CALN1: variants seen among roughly 807,000 people sequenced by gnomAD.
CALN1 encodes the protein calcium-binding protein 8.
Under a neutral mutation model 30.6 loss-of-function variants are expected in CALN1, and 17 were observed. That is an observed-to-expected ratio of 0.56 (90% CI 0.38 to 0.83). CALN1 has a LOEUF of 0.83. CALN1 is among the 40% of genes least tolerant of loss of function. CALN1 has a pLI of 0.00. For missense variants in CALN1, 291 were observed against 354.9 expected, an observed-to-expected ratio of 0.82 and a Z score of 1.45; for synonymous variants, 156 against 131.4, an observed-to-expected ratio of 1.19 and a Z score of -1.28.
chr7:72,397,334 TAGA>T (rs1447123714), intron 2 of CALN1, among the ~76,000 whole-genome samples: 1 of 152,146 alleles, frequency 6.6e-6, no homozygotes, highest in Non-Finnish European at 1.5e-5. Context: ...GTCCACATTC[TAGA>T]AGATGACAAG....
intron 2 of CALN1, among the ~76,000 whole-genome samples, chr7:72,374,530 C>CCA (rs1330289546): frequency 3.6e-5 from 4 of 112,606 alleles, no homozygotes; most frequent in African/African-American, 1.3e-4. Flanking sequence ...CACTCTGTCT[C>CCA]CAAAAAAAAA....
intron 3 of CALN1, among the ~76,000 whole-genome samples, chr7:72,202,458 T>C (rs532623575): frequency 1.3e-5 from 2 of 152,294 alleles, no homozygotes; most frequent in South Asian, 4.1e-4. Flanking sequence ...AAAGAGATCC[T>C]CACATAGACA....
At chr7:72,340,840 T>C (rs908687811) in intron 2 of CALN1, among the ~76,000 whole-genome samples, 1 of 152,168 alleles carries the variant, frequency 6.6e-6, no homozygotes, top group African/African-American at 2.4e-5. Flanking sequence ...TCACAAGATC[T>C]GATGGTTTTA....
chr7:72,160,476 A>T (rs1185421529), intron 3 of CALN1, among the ~76,000 whole-genome samples: 1 of 151,790 alleles, frequency 6.6e-6, no homozygotes, highest in Non-Finnish European at 1.5e-5. Context: ...ATGGGGTTTC[A>T]CCATGTTGGC....
intron 2 of CALN1, among the ~76,000 whole-genome samples, chr7:72,309,671 G>A (rs777168914): frequency 3.9e-5 from 6 of 152,112 alleles, no homozygotes; most frequent in Non-Finnish European, 7.3e-5. Flanking sequence ...AAGCACAAGT[G>A]CAAGGTCCCC....
At chr7:71,943,949 G>A (rs1316062144) in intron 5 of CALN1, among the ~76,000 whole-genome samples, 1 of 152,158 alleles carries the variant, frequency 6.6e-6, no homozygotes, top group Non-Finnish European at 1.5e-5. Context: ...TCTTTCATGG[G>A]CTTATGGTAA....
In CALN1 at chr7:72,420,549, T is replaced by C. The variant is rs555190070; in HGVS notation, c.-225-8274A>G. Among the ~76,000 whole-genome samples, 6 of 151,398 alleles carry C rather than the reference T, an allele frequency of 4.0e-5. No homozygotes were observed. The South Asian group carries it at 1.1e-3, about 27-fold the overall frequency. On this transcript the variant is annotated intron_variant, in intron 1 of 6. Transcript: ENST00000395276. ...CATGAGAAATCACCTTTTTAAAAAA[T>C]TCCCCCAAAGGCAACAGTGCCTCTG...
In CALN1 at chr7:72,046,709, TAAAAAAAAAA is replaced by T. The variant is rs59664699; in HGVS notation, c.389-22950_389-22941del. ...TGGGCAACAGAGCGAGACTCCCTCT[TAAAAAAAAAA>T]AAAAAAAAAAAAAAAAAAAGGATTG... On this transcript the variant is annotated intron_variant, in intron 4 of 6. Transcript: ENST00000395275. Among the ~76,000 whole-genome samples the T allele has an allele frequency of 2.9e-4, 15 of 51,842 alleles. No individual in the cohort carries two copies. In the South Asian group the frequency reaches 3.6e-3, roughly 12 times the overall value. 34.0% of individuals were successfully genotyped at this position (51,842 alleles called of 152,430 possible). A position where few individuals can be genotyped will look rare whatever the true frequency, so the allele number is the denominator to read the frequency against.
At chr7:72,098,327 C>G (rs939971480) in intron 4 of CALN1, among the ~76,000 whole-genome samples, 1 of 152,208 alleles carries the variant, frequency 6.6e-6, no homozygotes, top group South Asian at 2.1e-4. Flanking sequence ...AGTTAAAGTT[C>G]CAAGAAATAA....
At chr7:72,137,673 G>A (rs1173117822) in intron 3 of CALN1, among the ~76,000 whole-genome samples, 2 of 152,186 alleles carry the variant, frequency 1.3e-5, no homozygotes, top group East Asian at 3.9e-4. Flanking sequence ...TGGATAACTG[G>A]GGAAATTTGA....
chr7:71,872,105 G>C (rs1791970302), intron 5 of CALN1, among the ~76,000 whole-genome samples: 1 of 152,212 alleles, frequency 6.6e-6, no homozygotes, highest in South Asian at 2.1e-4. Context: ...CAGGGCTACT[G>C]TGTTGGACAT....
intron 4 of CALN1, among the ~76,000 whole-genome samples, chr7:72,065,371 C>A (rs1803949769): frequency 6.6e-6 from 1 of 151,888 alleles, no homozygotes; most frequent in African/African-American, 2.4e-5. Flanking sequence ...GCAGTGGCCT[C>A]CCCGCCCCCC....
At chr7:72,475,282 C>T in the CALN1 span, among the ~76,000 whole-genome samples, 2 of 151,954 alleles carry the variant, frequency 1.3e-5, no homozygotes, top group East Asian at 1.9e-4. Flanking sequence ...GGTGAAACCT[C>T]GACTCTACTA....
chr7:72,248,899 T>C (rs546129458), intron 3 of CALN1, among the ~76,000 whole-genome samples: 1 of 152,282 alleles, frequency 6.6e-6, no homozygotes, highest in Non-Finnish European at 1.5e-5. Flanking sequence ...TTTGTTGCTA[T>C]GGGAAACATT....
chr7:72,372,022 GAATTC>G (rs2129560359), intron 2 of CALN1, among the ~76,000 whole-genome samples: 1 of 152,286 alleles, frequency 6.6e-6, no homozygotes, highest in South Asian at 2.1e-4. Flanking sequence ...TTCTGAGATT[GAATTC>G]AATATCGCCT....
At chr7:72,014,173 G>A (rs925785904) in intron 5 of CALN1, among the ~76,000 whole-genome samples, 1 of 146,686 alleles carries the variant, frequency 6.8e-6, no homozygotes, top group Admixed American at 7.0e-5. Context: ...TGCAGCCTCC[G>A]TCCCCTGGGC....
chr7:72,278,952 T>C (rs1173634488), intron 2 of CALN1, 142 bp from the exon 3 acceptor site: 6 of 1,243,422 alleles, frequency 4.8e-6, no homozygotes, highest in Non-Finnish European at 6.6e-6. Flanking sequence ...AAAGTCAAGA[T>C]ATTTCCAGGG....
chr7:72,498,432 A>C, the CALN1 span, among the ~76,000 whole-genome samples: 60 of 109,252 alleles, frequency 5.5e-4, no homozygotes, highest in African/African-American at 2.2e-3. Context: ...GCAGTCAGGA[A>C]AAAAAGACAC....
Position 72,420,237 on chromosome 7 carries a change from A to G in CALN1, c.-225-7962T>C, listed in dbSNP as rs550281411. Among the ~76,000 whole-genome samples, 6 of 152,238 alleles carry G rather than the reference A, an allele frequency of 3.9e-5. No homozygotes were observed. The East Asian group carries it at 9.7e-4, about 25-fold the overall frequency. ...TGACTAGAAAGAAACTTGGGAAAAG[A>G]AGGACAGAGGTAGCCAGACTCATAA... On this transcript the variant is annotated intron_variant, in intron 1 of 6. Coordinates refer to the CALN1 transcript ENST00000395276.
Sources: gnomAD v4.1 joint callset for allele counts (sites outside exome capture counted in the v4.1 genomes callset) on GRCh38, gnomAD v4.1.1 for gene constraint, MANE v1.5 for transcripts, NCBI Gene and HGNC (gene_info 2026-07-23, HGNC 2026-07-21) for gene names.